Variants in SLC14A1 observed in about 807,000 individuals in gnomAD.
SLC14A1 encodes solute carrier family 14 member 1 (Kidd blood group).
A neutral mutation model predicts 39.6 loss-of-function variants in SLC14A1; 36 were observed. That is an observed-to-expected ratio of 0.91 (90% CI 0.70 to 1.20). The LOEUF is 1.20. Among genes scored for constraint, SLC14A1 ranks in the 50% most tolerant of loss-of-function variants. SLC14A1 has a pLI of 0.00. For synonymous variants in SLC14A1, 164 were observed against 173.6 expected, an observed-to-expected ratio of 0.94 and a Z score of 0.43; for missense variants, 469 against 478.7, an observed-to-expected ratio of 0.98 and a Z score of 0.19.
Position 45,746,825 on chromosome 18 carries a change from A to G in SLC14A1, c.947-1551A>G, listed in dbSNP as rs28898895. ...GATTCTTCACCTCCCAGTAAGGCAG[A>G]TCTTCAAGGTGCCTTTTTACAGATG... On this transcript the variant is annotated intron_variant, in intron 8 of 9. Transcript: ENST00000321925. Among the ~76,000 whole-genome samples the G allele has an allele frequency of 6.7e-3, 1,017 of 152,312 alleles. 13 individuals carry two copies. Among genetic ancestry groups the G allele is most frequent in the Middle Eastern group, 0.02 (6 of 294 alleles).
At position 45,739,183 on chromosome 18, in the gene SLC14A1, G is replaced by A; in HGVS notation, c.684G>A (p.Val228=). Reference sequence around the variant, plus strand: ...TGCAGTTGTTGAAATCTATACCAGTGGGAGTTGGTCAGATCTATGGCTGTG... The same window carrying A: ...TGCAGTTGTTGAAATCTATACCAGTAGGAGTTGGTCAGATCTATGGCTGTG... ...SALELLKSIP[V]GVGQIYGCDN... The change falls in exon 7 of 10, where the codon GTG becomes GTA. Residue 228 remains valine, a synonymous_variant. Transcript: ENST00000321925. 2 of 1,614,126 alleles carry A rather than the reference G, an allele frequency of 1.2e-6. No homozygotes were observed. The highest frequency in any genetic ancestry group is 8.5e-7 in the Non-Finnish European group (1 of 1,180,010).
rs751489682 is a variant in SLC14A1, at chr18:45,736,451, T to G, written c.471-5T>G. The stretch of plus-strand genomic sequence containing the variant: ...GCACATTCTTTTGCTCTGTTCTTTT[T>G]TTAGCCCAATTTTCTCAAGTGCATT... On this transcript the variant is annotated splice_region_variant and splice_polypyrimidine_tract_variant and intron_variant, in intron 5 of 9. Transcript: ENST00000321925. The G allele has an allele frequency of 8.1e-6, 13 of 1,614,032 alleles. No homozygotes were observed. The highest frequency in any genetic ancestry group is 1.0e-5 in the Non-Finnish European group (12 of 1,179,992).
chr18:45,734,045 A>G, intron 4 of SLC14A1: 1 of 486,232 alleles, frequency 2.1e-6, no homozygotes, highest in Non-Finnish European at 3.7e-6. Context: ...GGGGCCAAAA[A>G]GGCTGGGGAC....
chr18:45,748,281 T>C, intron 8 of SLC14A1, 95 bp from the exon 9 acceptor site: 1 of 1,289,926 alleles, frequency 7.8e-7, no homozygotes, highest in Admixed American at 1.7e-5. Context: ...CAGGGCACTG[T>C]GCATTCCAGG....
intron 4 of SLC14A1, among the ~76,000 whole-genome samples, chr18:45,731,847 G>T (rs1480080414): frequency 2.0e-5 from 3 of 152,218 alleles, no homozygotes; most frequent in African/African-American, 4.8e-5. Flanking sequence ...TTTAGGGAGG[G>T]AACCAGTATT....
chr18:45,741,236 G>A (rs1158777949), intron 8 of SLC14A1: 2 of 152,236 alleles, frequency 1.3e-5, no homozygotes, highest in African/African-American at 4.8e-5. Context: ...TGGATTTTGA[G>A]TGGAGGCTCA....
chr18:45,745,819 A>G (rs180776270), intron 8 of SLC14A1, among the ~76,000 whole-genome samples: 11 of 152,302 alleles, frequency 7.2e-5, no homozygotes, highest in Non-Finnish European at 1.0e-4. Flanking sequence ...ATCTCTGTGC[A>G]TGGATTTTTG....
Position 45,751,584 on chromosome 18 carries a change from C to A in SLC14A1, c.*1633C>A. 1 of 865,916 alleles carries A rather than the reference C, an allele frequency of 1.2e-6. No individual in the cohort carries two copies. The highest frequency in any genetic ancestry group is 6.2e-5 in the Admixed American group (1 of 16,100). The allele number at this position is 865,916 out of a possible 1,614,324, so 53.6% of individuals were successfully genotyped here. A position where few individuals can be genotyped will look rare whatever the true frequency, so the allele number is the denominator to read the frequency against. On this transcript the variant is annotated 3_prime_UTR_variant, in exon 10 of 10. Coordinates refer to ENST00000321925, the MANE Select transcript of SLC14A1 (RefSeq NM_015865.7). The stretch of plus-strand genomic sequence containing the variant: ...CTTGAGCCCAGGAGTTCAAGACCAG[C>A]TTGGGCAACATAGCAAGACTCCATC...
chr18:45,724,229 T>G lies in SLC14A1; in HGVS notation c.-130T>G, dbSNP rs2046803846. 1 of 152,248 alleles carries G rather than the reference T, an allele frequency of 6.6e-6. No individual in the cohort carries two copies. Among genetic ancestry groups the G allele is most frequent in the South Asian group, 2.1e-4 (1 of 4,830 alleles). The allele number at this position is 152,248 out of a possible 1,614,324, so 9.4% of individuals were successfully genotyped here. The stretch of plus-strand genomic sequence containing the variant: ...CCTTGTCGTGGAGGTGGGCAAATCT[T>G]TATCAGCCACTGCCTTCTGCTGCCA... On this transcript the variant is annotated 5_prime_UTR_variant, in exon 1 of 10. Transcript: ENST00000321925.
intron 6 of SLC14A1, chr18:45,737,502 C>A (rs770470095): frequency 2.6e-5 from 4 of 152,174 alleles, no homozygotes; most frequent in Non-Finnish European, 5.9e-5. Flanking sequence ...GGTTATGAAA[C>A]GCCCTTTTGT....
intron 2 of SLC14A1, chr18:45,729,813 G>A (rs2046976457): frequency 6.6e-6 from 1 of 152,252 alleles, no homozygotes; most frequent in African/African-American, 2.4e-5. Flanking sequence ...AAATAAAAAT[G>A]TAATTTAAAA....
At chr18:45,738,848 T>C (rs533258779) in intron 6 of SLC14A1, among the ~76,000 whole-genome samples, 7 of 152,010 alleles carry the variant, frequency 4.6e-5, no homozygotes, top group Admixed American at 2.0e-4. Flanking sequence ...CCAGGAGCAG[T>C]GAGTGGCACC....
chr18:45,740,009 C>T (rs951559453), intron 8 of SLC14A1: 4 of 372,830 alleles, frequency 1.1e-5, no homozygotes, highest in Non-Finnish European at 2.1e-5. Context: ...CATGCCTTCT[C>T]AAAGCTCCCC....
At chr18:45,737,620 T>C (rs927793873) in intron 6 of SLC14A1, 6 of 152,028 alleles carry the variant, frequency 3.9e-5, no homozygotes, top group African/African-American at 1.5e-4. Context: ...AAGGAAAAAA[T>C]CAAAGATTCA....
intron 8 of SLC14A1, among the ~76,000 whole-genome samples, chr18:45,743,707 G>A (rs1275908390): frequency 2.0e-5 from 3 of 152,114 alleles, no homozygotes; most frequent in Non-Finnish European, 4.4e-5. Context: ...TAAAAGTCTG[G>A]AAAAACAGTT....
Position 45,751,638 on chromosome 18 carries a change from C to A in SLC14A1, c.*1687C>A. The A allele has an allele frequency of 4.0e-6, 2 of 504,162 alleles. No homozygotes were observed. The highest frequency in any genetic ancestry group is 5.1e-6 in the Non-Finnish European group (2 of 391,198). 31.2% of individuals were successfully genotyped at this position (504,162 alleles called of 1,614,324 possible). A position where few individuals can be genotyped will look rare whatever the true frequency, so the allele number is the denominator to read the frequency against. ...TAAAAAATAAAAATAGTAACATTAGCCAGGTGTAGCAGCACACATCTGCAG... is the reference window on the plus strand; with the variant it reads ...TAAAAAATAAAAATAGTAACATTAGACAGGTGTAGCAGCACACATCTGCAG... On this transcript the variant is annotated 3_prime_UTR_variant, in exon 10 of 10. Transcript: ENST00000321925.
rs769735265 is a variant in SLC14A1, at chr18:45,739,556, C to T, written c.840C>T (p.Asp280=). Residue 280 remains aspartate (D), a synonymous_variant, in exon 8 of 10, where the codon GAC becomes GAT. Coordinates refer to ENST00000321925, the MANE Select transcript of SLC14A1 (RefSeq NM_015865.7). ...TCAGTCTTTCAGCCCCATTTGAGGA[C>T]ATCTACTTTGGACTCTGGGGTTTCA... ...AGLSLSAPFE[D]IYFGLWGFNS... 4.3e-6 allele frequency: 7 copies of T among 1,614,154 alleles called. No individual in the cohort carries two copies. The East Asian group carries it at 1.3e-4, about 31-fold the overall frequency.
intron 2 of SLC14A1, chr18:45,727,086 T>G: frequency 1.7e-6 from 1 of 583,236 alleles, no homozygotes; most frequent in East Asian, 2.9e-5. Context: ...AGCTCTTTGG[T>G]GAAGGCAAAG....
intron 5 of SLC14A1, 135 bp downstream of exon 5, chr18:45,734,537 T>C (rs2047128740): frequency 3.2e-6 from 3 of 948,884 alleles, no homozygotes; most frequent in Non-Finnish European, 4.9e-6. Context: ...GTGGTGATGG[T>C]TGTACAACAA....
Sources: allele counts gnomAD v4.1 joint callset (sites outside exome capture counted in the v4.1 genomes callset), GRCh38; gene constraint gnomAD v4.1.1; transcripts MANE v1.5; gene names NCBI Gene and HGNC (gene_info 2026-07-23, HGNC 2026-07-21).